The following IDE variants were observed in gnomAD, a reference collection of about 807,000 sequenced individuals.
The protein encoded by IDE is insulin-degrading enzyme.
A neutral mutation model predicts 133.2 loss-of-function variants in IDE; 58 were observed. That is an observed-to-expected ratio of 0.44 (90% CI 0.35 to 0.54). The LOEUF (loss-of-function observed/expected upper bound fraction) is 0.54. IDE is among the 20% of genes least tolerant of loss of function. The probability of loss-of-function intolerance (pLI) is 0.00; values close to 1 mark genes in which losing one functional copy is unlikely to be tolerated. For missense variants in IDE, 981 were observed against 1,234.0 expected (o/e 0.79, Z 3.07); for synonymous variants, 396 against 421.3 (o/e 0.94, Z 0.73).
intron 17 of IDE, among the ~76,000 whole-genome samples, chr10:92,470,901 G>A (rs1232892050): frequency 6.6e-6 from 1 of 152,130 alleles, no homozygotes; most frequent in Non-Finnish European, 1.5e-5. Context: ...CTTGGTTAAG[G>A]TGGTGTCTGC....
At chr10:92,490,051 C>T (rs1439056149) in intron 12 of IDE, among the ~76,000 whole-genome samples, 4 of 152,214 alleles carry the variant, frequency 2.6e-5, no homozygotes, top group South Asian at 2.1e-4. Flanking sequence ...ACAAAAAGAA[C>T]GGTGCTATAA....
intron 11 of IDE, among the ~76,000 whole-genome samples, chr10:92,491,767 T>C (rs1847360507): frequency 6.6e-6 from 1 of 152,040 alleles, no homozygotes; most frequent in Non-Finnish European, 1.5e-5. Context: ...CCTACCACCT[T>C]GCCCAGCTAA....
At chr10:92,491,929 C>G (rs892902367) in intron 11 of IDE, among the ~76,000 whole-genome samples, 2 of 151,768 alleles carry the variant, frequency 1.3e-5, no homozygotes, top group African/African-American at 2.4e-5. Flanking sequence ...TTTTTTGATG[C>G]GACAGTAGAA....
Position 92,483,320 on chromosome 10 carries a change from T to C in IDE, c.1674A>G (p.Lys558=). ...PALIKDTAMS[K]LWFKQDDKFF... is the part of the protein sequence containing the mutation. ...ACTTATCATCTTGTTTGAACCAAAG[T>C]TTGCTCATAGCTGTATCCTGTGATG... Residue 558 remains lysine (K), a synonymous_variant, in exon 14 of 25, where the codon AAA becomes AAG. Coordinates refer to ENST00000265986, the MANE Select transcript of IDE (RefSeq NM_004969.4). 1.2e-6 allele frequency: 2 copies of C among 1,608,440 alleles called. No individual in the cohort carries two copies. Among genetic ancestry groups the C allele is most frequent in the East Asian group, 2.2e-5 (1 of 44,852 alleles).
chr10:92,455,034 T>C (rs555049625), intron 24 of IDE, among the ~76,000 whole-genome samples: 51 of 152,088 alleles, frequency 3.4e-4, no homozygotes, highest in East Asian at 7.8e-4. Context: ...AAATGATCCA[T>C]TGCAAAATAA....
chr10:92,493,121 C>T (rs918895205), intron 11 of IDE, among the ~76,000 whole-genome samples: 2 of 152,114 alleles, frequency 1.3e-5, no homozygotes, highest in East Asian at 1.9e-4. Context: ...GGAAGTGATG[C>T]ATGTTGGTAG....
chr10:92,513,319 A>T (rs1029257685), intron 5 of IDE, among the ~76,000 whole-genome samples: 2 of 151,964 alleles, frequency 1.3e-5, no homozygotes, highest in African/African-American at 4.8e-5. Context: ...CAGCCTCCCA[A>T]CTAGCTGGGA....
intron 4 of IDE, among the ~76,000 whole-genome samples, chr10:92,528,413 T>C (rs1054309048): frequency 2.6e-5 from 4 of 152,028 alleles, no homozygotes; most frequent in Non-Finnish European, 5.9e-5. Flanking sequence ...GGACCCATTA[T>C]ATTGTAATTA....
intron 5 of IDE, among the ~76,000 whole-genome samples, chr10:92,512,539 A>C (rs1312620135): frequency 1.3e-5 from 2 of 150,658 alleles, no homozygotes; most frequent in African/African-American, 4.9e-5. Context: ...CATGTGTTTA[A>C]TCTCAAATAC....
At chr10:92,460,263 A>G (rs1411592410) in intron 22 of IDE, among the ~76,000 whole-genome samples, 1 of 152,230 alleles carries the variant, frequency 6.6e-6, no homozygotes, top group East Asian at 1.9e-4. Context: ...TTCAAAGGTG[A>G]GTAATCATTT....
chr10:92,471,042 A>C (rs970785034), intron 17 of IDE, among the ~76,000 whole-genome samples: 11 of 152,220 alleles, frequency 7.2e-5, no homozygotes, highest in African/African-American at 2.7e-4. Flanking sequence ...TAATTACTAA[A>C]TATTTATTTT....
intron 19 of IDE, among the ~76,000 whole-genome samples, chr10:92,466,610 C>G (rs975274828): frequency 1.4e-5 from 2 of 141,476 alleles, no homozygotes; most frequent in Admixed American, 7.2e-5. Flanking sequence ...GGCCACCACG[C>G]CTGGCCCTTT....
intron 1 of IDE, among the ~76,000 whole-genome samples, chr10:92,566,207 A>C (rs1843539441): frequency 6.9e-6 from 1 of 144,784 alleles, no homozygotes; most frequent in African/African-American, 2.6e-5. Flanking sequence ...AAAAAAAAAA[A>C]CTCCAAAAAA....
intron 1 of IDE, among the ~76,000 whole-genome samples, chr10:92,539,298 G>GT (rs1463400211): frequency 6.6e-6 from 1 of 151,856 alleles, no homozygotes. Flanking sequence ...TATAATACTG[G>GT]TTTTAAAAAT....
chr10:92,508,964 T>C, intron 6 of IDE, 74 bp from the exon 7 acceptor site: 6 of 1,227,898 alleles, frequency 4.9e-6, no homozygotes, highest in Non-Finnish European at 7.0e-6. Context: ...CTATGAAGAA[T>C]GATTTTCATG....
chr10:92,498,488 G>C (rs1589426790), intron 11 of IDE, among the ~76,000 whole-genome samples: 1 of 152,206 alleles, frequency 6.6e-6, no homozygotes. Flanking sequence ...GGGCATGGTG[G>C]CTCACACCTG....
intron 6 of IDE, 110 bp downstream of exon 6, chr10:92,509,938 AAC>A (rs1491536915): frequency 1.2e-5 from 7 of 565,946 alleles, no homozygotes; most frequent in East Asian, 2.9e-5. Flanking sequence ...AAAAAAAAAA[AAC>A]ACAACATAAA....
At chr10:92,514,389 CCA>C (rs1342993452) in intron 5 of IDE, among the ~76,000 whole-genome samples, 4 of 148,654 alleles carry the variant, frequency 2.7e-5, no homozygotes, top group Non-Finnish European at 4.5e-5. Context: ...TTTTTTTTTT[CCA>C]GTTTTTTGAA....
intron 9 of IDE, 89 bp downstream of exon 9, chr10:92,507,486 T>G: frequency 1.3e-6 from 1 of 778,874 alleles, no homozygotes; most frequent in East Asian, 2.4e-5. Context: ...CTTTAAAAGT[T>G]TAACTGGGCC....
Sources: gnomAD v4.1 joint callset for allele counts (sites outside exome capture counted in the v4.1 genomes callset) on GRCh38, gnomAD v4.1.1 for gene constraint, MANE v1.5 for transcripts, NCBI Gene and HGNC (gene_info 2026-07-23, HGNC 2026-07-21) for gene names.